The following GSTO2 variants were observed in gnomAD, a reference collection of about 807,000 sequenced individuals.
GSTO2 encodes the protein glutathione S-transferase omega 2.
GSTO2 carries 23 observed loss-of-function variants against 28.4 expected under a neutral mutation model. That is an observed-to-expected ratio of 0.81 (90% confidence interval 0.58 to 1.15). The LOEUF is 1.15. GSTO2 is among the 50% of genes most tolerant of loss of function. GSTO2 has a pLI of 0.00. For synonymous variants in GSTO2, 109 were observed against 111.0 expected, an observed-to-expected ratio of 0.98 and a Z score of 0.11; for missense variants, 298 against 297.8, an observed-to-expected ratio of 1.00 and a Z score of 0.00.
At chr10:104,278,937 G>C (rs2011826510) in intron 4 of GSTO2, among the ~76,000 whole-genome samples, 1 of 152,208 alleles carries the variant, frequency 6.6e-6, no homozygotes, top group African/African-American at 2.4e-5. Context: ...GATATTAACA[G>C]CTGACATATA....
chr10:104,303,943 G>A lies in GSTO2; in HGVS notation c.*4659G>A, dbSNP rs2013332526. On this transcript the variant is annotated 3_prime_UTR_variant, in exon 7 of 7. Coordinates refer to ENST00000338595, the MANE Select transcript of GSTO2 (RefSeq NM_183239.2). ...TAGGGGTGGCAGGGGCAGGTGTTAT[G>A]TTTCTTGGTTTCTCACCTTCAGGTC... The A allele has an allele frequency of 6.6e-6, 1 of 152,226 alleles. No homozygotes were observed. The highest frequency in any genetic ancestry group is 6.5e-5 in the Admixed American group (1 of 15,288). 9.4% of individuals were successfully genotyped at this position (152,226 alleles called of 1,614,324 possible). A position where few individuals can be genotyped will look rare whatever the true frequency, so the allele number is the denominator to read the frequency against.
In GSTO2 at chr10:104,298,193, G is replaced by A. The variant is rs959217581; in HGVS notation, c.575+509G>A. Among the ~76,000 whole-genome samples the A allele has an allele frequency of 4.6e-5, 7 of 152,246 alleles. 1 individual carries two copies. Among genetic ancestry groups the A allele is most frequent in the African/African-American group, 7.2e-5 (3 of 41,460 alleles). ...TGACACACTATGGAAGTATGGAAGTGCAGGGACATTAAAGGAGAAGAAATA... is the reference window on the plus strand; with the variant it reads ...TGACACACTATGGAAGTATGGAAGTACAGGGACATTAAAGGAGAAGAAATA... On this transcript the variant is annotated intron_variant, in intron 6 of 6. Transcript: ENST00000338595.
At chr10:104,278,892 GGT>G in intron 4 of GSTO2, among the ~76,000 whole-genome samples, 1 of 152,066 alleles carries the variant, frequency 6.6e-6, no homozygotes, top group Non-Finnish European at 1.5e-5. Flanking sequence ...ATTTTAAGAT[GGT>G]GTCTTTGAAA....
intron 5 of GSTO2, among the ~76,000 whole-genome samples, chr10:104,292,128 CA>C (rs34493703): frequency 0.021 from 3,227 of 151,548 alleles, 57 homozygotes; most frequent in South Asian, 0.079. Flanking sequence ...CTTGTTCATA[CA>C]AAAGACAGGG....
At chr10:104,274,355 C>A (rs1433494412) in intron 1 of GSTO2, among the ~76,000 whole-genome samples, 1 of 152,146 alleles carries the variant, frequency 6.6e-6, no homozygotes, top group Non-Finnish European at 1.5e-5. Context: ...GGCACTCACT[C>A]TCTGGGGTAT....
rs2013188268 is a variant in GSTO2 at position 104,299,340 on chromosome 10, G to A, written c.*56G>A. 3.2e-6 allele frequency: 5 copies of A among 1,581,236 alleles called. No individual in the cohort carries two copies. Among genetic ancestry groups the A allele is most frequent in the East Asian group, 2.2e-5 (1 of 44,528 alleles). ...ATTCCCCAGCTTGTTGGGAGTCTAC[G>A]TCACGGCTTGTCTTGGGAACCAATC... On this transcript the variant is annotated 3_prime_UTR_variant, in exon 7 of 7. Transcript: ENST00000338595.
At chr10:104,272,894 G>A (rs1162300399) in intron 1 of GSTO2, among the ~76,000 whole-genome samples, 1 of 151,872 alleles carries the variant, frequency 6.6e-6, no homozygotes, top group African/African-American at 2.4e-5. Flanking sequence ...TTACAGGCAT[G>A]AGCCACCGCA....
At chr10:104,276,721 C>G (rs555131436) in intron 3 of GSTO2, among the ~76,000 whole-genome samples, 1 of 152,176 alleles carries the variant, frequency 6.6e-6, no homozygotes, top group Non-Finnish European at 1.5e-5. Flanking sequence ...ATCCTCCCAC[C>G]CTGGCCTCTC....
At chr10:104,280,361 C>G (rs750766506) in intron 5 of GSTO2, among the ~76,000 whole-genome samples, 1 of 152,036 alleles carries the variant, frequency 6.6e-6, no homozygotes, top group African/African-American at 2.4e-5. Flanking sequence ...CATCCAAGTT[C>G]CAGGCTCTGA....
At chr10:104,284,442 A>C (rs900019243) in intron 5 of GSTO2, among the ~76,000 whole-genome samples, 2 of 152,182 alleles carry the variant, frequency 1.3e-5, no homozygotes. Context: ...AATATCTTTT[A>C]CAATTCTTTG....
At chr10:104,280,993 G>A (rs1033445924) in intron 5 of GSTO2, among the ~76,000 whole-genome samples, 2 of 152,228 alleles carry the variant, frequency 1.3e-5, no homozygotes, top group African/African-American at 4.8e-5. Flanking sequence ...ATGATGTGGT[G>A]GAAAGAATCT....
chr10:104,294,781 G>A (rs889076841), intron 5 of GSTO2, among the ~76,000 whole-genome samples: 7 of 152,030 alleles, frequency 4.6e-5, no homozygotes, highest in South Asian at 2.1e-4. Flanking sequence ...TTTTATGAGC[G>A]TTTATATATA....
chr10:104,285,105 CAG>C (rs781194783), intron 5 of GSTO2, among the ~76,000 whole-genome samples: 7 of 152,156 alleles, frequency 4.6e-5, no homozygotes, highest in Non-Finnish European at 7.3e-5. Flanking sequence ...CATTTCCACG[CAG>C]AGTTTCCCGC....
In GSTO2 at chr10:104,275,330, A is replaced by G. The variant is rs747606911; in HGVS notation, c.139A>G (p.Ile47Val). ...RTRLVLKAKD[I>V]RHEVVNINLR... ...CCGCCTCGTCCTCAAGGCCAAAGAC[A>G]TCAGGTGAGAAGCGGGAACCCAGAG... The change falls in exon 3 of 7, where the codon ATC becomes GTC. Residue 47 changes from isoleucine (I) to valine (V), a missense_variant. Transcript: ENST00000338595. 8 of 1,613,816 alleles carry G rather than the reference A, an allele frequency of 5.0e-6. No homozygotes were observed. Among genetic ancestry groups the G allele is most frequent in the Middle Eastern group, 3.3e-4 (2 of 6,060 alleles).
intron 5 of GSTO2, chr10:104,285,839 G>A: frequency 4.5e-6 from 1 of 222,672 alleles, no homozygotes; most frequent in Non-Finnish European, 9.4e-6. Flanking sequence ...TATTGTCTTG[G>A]TTTAGTTTTG....
intron 3 of GSTO2, among the ~76,000 whole-genome samples, chr10:104,277,290 A>G (rs1195763474): frequency 2.0e-5 from 3 of 147,720 alleles, no homozygotes; most frequent in Non-Finnish European, 3.0e-5. Context: ...TCTTGGCTCT[A>G]CTACTTTTTT....
chr10:104,282,475 G>T (rs950416841), intron 5 of GSTO2, among the ~76,000 whole-genome samples: 4 of 150,566 alleles, frequency 2.7e-5, no homozygotes, highest in African/African-American at 9.8e-5. Context: ...GATCACTGGA[G>T]CCTAGGAGGT....
At chr10:104,294,171 C>G (rs1323878377) in intron 5 of GSTO2, among the ~76,000 whole-genome samples, 2 of 152,128 alleles carry the variant, frequency 1.3e-5, no homozygotes, top group Non-Finnish European at 1.5e-5. Flanking sequence ...TGCGTTTTCC[C>G]TGATTATAGC....
At chr10:104,270,204 G>A (rs942920079) in intron 1 of GSTO2, among the ~76,000 whole-genome samples, 3 of 151,416 alleles carry the variant, frequency 2.0e-5, no homozygotes, top group Non-Finnish European at 4.4e-5. Context: ...TAGTAGAGAC[G>A]GGGTTTCACC....
Sources: allele counts gnomAD v4.1 joint callset (sites outside exome capture counted in the v4.1 genomes callset), GRCh38; gene constraint gnomAD v4.1.1; transcripts MANE v1.5; gene names NCBI Gene and HGNC (gene_info 2026-07-23, HGNC 2026-07-21).